The following CSMD1 variants were observed in gnomAD, a reference collection of about 807,000 sequenced individuals.
CSMD1 encodes the protein CUB and sushi domain-containing protein 1.
In CSMD1, 213 loss-of-function variants were observed where a neutral mutation model predicts 417.5. That is an observed-to-expected ratio of 0.51 (90% confidence interval 0.46 to 0.57). The LOEUF is 0.57. CSMD1 is among the 20% of genes least tolerant of loss of function. The probability of loss-of-function intolerance (pLI) is 0.00; values close to 1 mark genes in which losing one functional copy is unlikely to be tolerated. For synonymous variants in CSMD1, 2,862 were observed against 1,736.8 expected, an observed-to-expected ratio of 1.65 and a Z score of -16.11; for missense variants, 6,923 against 4,529.7, an observed-to-expected ratio of 1.53 and a Z score of -15.17.
At chr8:3,955,376 T>G (rs567895961) in intron 5 of CSMD1, among the ~76,000 whole-genome samples, 1 of 152,294 alleles carries the variant, frequency 6.6e-6, no homozygotes, top group East Asian at 1.9e-4. Context: ...TCTTACTGGT[T>G]CAGAGATTTT....
At chr8:4,875,574 A>G (rs577675424) in intron 1 of CSMD1, among the ~76,000 whole-genome samples, 20 of 152,208 alleles carry the variant, frequency 1.3e-4, no homozygotes, top group African/African-American at 4.8e-4. Context: ...TCTTGTCACC[A>G]TGATTCGAAG....
intron 1 of CSMD1, among the ~76,000 whole-genome samples, chr8:4,693,347 G>T (rs1806899355): frequency 1.3e-5 from 2 of 152,230 alleles, no homozygotes; most frequent in African/African-American, 4.8e-5. Flanking sequence ...GATGCATGGT[G>T]CATCTTATGT....
At chr8:3,016,280 C>T (rs180820074) in intron 52 of CSMD1, among the ~76,000 whole-genome samples, 286 of 152,168 alleles carry the variant, frequency 1.9e-3, no homozygotes, top group African/African-American at 6.6e-3. Context: ...AGGATTGCAG[C>T]CTCTGTTCCC....
At chr8:4,049,286 G>C (rs948609617) in intron 3 of CSMD1, among the ~76,000 whole-genome samples, 2 of 151,870 alleles carry the variant, frequency 1.3e-5, no homozygotes, top group Non-Finnish European at 2.9e-5. Flanking sequence ...TGTGGAGATT[G>C]TCTGGCTGTA....
chr8:4,796,204 C>T (rs1363753252), intron 1 of CSMD1, among the ~76,000 whole-genome samples: 1 of 151,848 alleles, frequency 6.6e-6, no homozygotes, highest in African/African-American at 2.4e-5. Flanking sequence ...ACCAGCTCCC[C>T]CTGCATCTAG....
At chr8:3,610,251 A>G (rs1256961052) in intron 8 of CSMD1, among the ~76,000 whole-genome samples, 1 of 152,172 alleles carries the variant, frequency 6.6e-6, no homozygotes, top group Admixed American at 6.5e-5. Context: ...CAATAAATCG[A>G]TATGTGGGCT....
intron 5 of CSMD1, among the ~76,000 whole-genome samples, chr8:3,982,611 G>C (rs926873038): frequency 6.7e-5 from 8 of 120,072 alleles, no homozygotes; most frequent in African/African-American, 2.4e-4. Flanking sequence ...AAGTACTGCT[G>C]AGAGAGAAAA....
chr8:4,120,944 A>G (rs182269478), intron 3 of CSMD1, among the ~76,000 whole-genome samples: 13 of 152,346 alleles, frequency 8.5e-5, no homozygotes, highest in Non-Finnish European at 1.6e-4. Context: ...TGTGTATAAT[A>G]AGAATACTTT....
At chr8:4,440,719 G>A (rs1187679104) in intron 2 of CSMD1, among the ~76,000 whole-genome samples, 1 of 152,052 alleles carries the variant, frequency 6.6e-6, no homozygotes, top group African/African-American at 2.4e-5. Context: ...ATTCTGGCCG[G>A]GTGTGGTGGT....
chr8:4,106,795 T>G (rs28561831), intron 3 of CSMD1, among the ~76,000 whole-genome samples: 3 of 152,044 alleles, frequency 2.0e-5, no homozygotes, highest in Admixed American at 6.6e-5. Context: ...ACGGCGATGG[T>G]CTGGGAGAGC....
intron 21 of CSMD1, among the ~76,000 whole-genome samples, chr8:3,357,004 G>A (rs1264686622): frequency 6.6e-6 from 1 of 152,126 alleles, no homozygotes; most frequent in Non-Finnish European, 1.5e-5. Flanking sequence ...TGGGGAGCCA[G>A]GGAAAGCATC....
At chr8:4,644,258 G>A (rs1418591545) in intron 1 of CSMD1, among the ~76,000 whole-genome samples, 2 of 152,064 alleles carry the variant, frequency 1.3e-5, no homozygotes, top group African/African-American at 2.4e-5. Flanking sequence ...CCCACCCCAG[G>A]CCCTTTGAAC....
At chr8:3,889,034 A>T (rs1261917331) in intron 5 of CSMD1, among the ~76,000 whole-genome samples, 1 of 152,144 alleles carries the variant, frequency 6.6e-6, no homozygotes. Flanking sequence ...TTGCCATTTC[A>T]TACAATTCTT....
intron 2 of CSMD1, among the ~76,000 whole-genome samples, chr8:4,501,858 A>C (rs1802274822): frequency 6.6e-6 from 1 of 152,118 alleles, no homozygotes; most frequent in Non-Finnish European, 1.5e-5. Context: ...TCTGTATAGG[A>C]AAAAACATGC....
At chr8:3,700,850 G>A (rs923174166) in intron 7 of CSMD1, among the ~76,000 whole-genome samples, 2 of 152,170 alleles carry the variant, frequency 1.3e-5, no homozygotes, top group South Asian at 2.1e-4. Flanking sequence ...TTCTGCCTGT[G>A]ACGGGAAACG....
rs746387495 is a variant in CSMD1, at chr8:3,091,580, C to T, written c.7221G>A (p.Gln2407=). 2 of 1,610,936 alleles carry T rather than the reference C, an allele frequency of 1.2e-6. No individual in the cohort carries two copies. Among genetic ancestry groups the T allele is most frequent in the Non-Finnish European group, 8.5e-7 (1 of 1,179,148 alleles). ...GGTCAGTGGACCAGCGGAGATATAA[C>T]TGATTACTCCTGCTTGTAAAATTTG... ...EQSNFTSRSN[Q]LYLRWSTDHA... is the part of the protein sequence containing the mutation. Residue 2407 remains glutamine (Q), a synonymous_variant, in exon 48 of 70, where the codon CAG becomes CAA. Transcript: ENST00000635120.
At position 2,997,945 on chromosome 8, in the gene CSMD1, A is replaced by G. The variant is rs1027989738; in HGVS notation, c.8377+66T>C. On this transcript the variant is annotated intron_variant, in intron 54 of 69. Coordinates refer to ENST00000635120, the MANE Select transcript of CSMD1 (RefSeq NM_033225.6). ...CTTGATTCATGGAGACAGGCTCTTG[A>G]TGGTGTTACTGGGCAGCCTAGAACA... 79 of 1,456,034 alleles carry G rather than the reference A, an allele frequency of 5.4e-5. No homozygotes were observed. In the African/African-American group the frequency reaches 9.3e-4, roughly 17 times the overall value. The allele number at this position is 1,456,034 out of a possible 1,614,324, so 90.2% of individuals were successfully genotyped here. A position where few individuals can be genotyped will look rare whatever the true frequency, so the allele number is the denominator to read the frequency against.
chr8:3,063,817 TGGA>T (rs1025256253), intron 49 of CSMD1, among the ~76,000 whole-genome samples: 4 of 152,188 alleles, frequency 2.6e-5, no homozygotes, highest in Non-Finnish European at 5.9e-5. Context: ...TTGTAGGGGC[TGGA>T]GGAGGAGGAA....
chr8:4,455,844 C>T (rs1412896248), intron 2 of CSMD1, among the ~76,000 whole-genome samples: 6 of 136,178 alleles, frequency 4.4e-5, no homozygotes, highest in Non-Finnish European at 7.7e-5. Context: ...GGCAAGATAA[C>T]TGCTTGAACC....
Sources: gnomAD v4.1 joint callset for allele counts (sites outside exome capture counted in the v4.1 genomes callset) on GRCh38, gnomAD v4.1.1 for gene constraint, MANE v1.5 for transcripts, NCBI Gene and HGNC (gene_info 2026-07-23, HGNC 2026-07-21) for gene names.